Variants in ADAM28 observed in about 807,000 individuals in gnomAD.
ADAM28 encodes disintegrin and metalloproteinase domain-containing protein 28.
ADAM28 carries 105 observed loss-of-function variants against 101.2 expected under a neutral mutation model. The observed-to-expected ratio is 1.04, with a 90% confidence interval of 0.89 to 1.22. ADAM28 has a LOEUF of 1.22. Ranked by LOEUF, ADAM28 falls within the 50% of genes most tolerant of loss-of-function variation. The pLI, the probability that ADAM28 is intolerant of heterozygous loss-of-function variation, is 0.00. For missense variants in ADAM28, 1,028 were observed against 945.4 expected (o/e 1.09, Z -1.15); for synonymous variants, 322 against 310.6 (o/e 1.04, Z -0.39).
chr8:24,309,845 C>T (rs745940739), intron 2 of ADAM28, 49 bp from the exon 3 acceptor site: 3 of 1,332,250 alleles, frequency 2.3e-6, no homozygotes, highest in Non-Finnish European at 2.1e-6. Context: ...ATATAATAGT[C>T]AAATGAATAT....
At chr8:24,326,659 G>A in intron 10 of ADAM28, 24 bp downstream of exon 10, 1 of 1,589,848 alleles carries the variant, frequency 6.3e-7, no homozygotes, top group Non-Finnish European at 8.6e-7. Flanking sequence ...TAAACTGTTG[G>A]TTCTATGATT....
Position 24,294,146 on chromosome 8 carries a change from C to A in ADAM28, c.-4C>A. ...CAGACACCGTGCTCCTGGAATCACCCAGCATGTTGCAAGGTCTCCTGCCAG... is the reference window on the plus strand; with the variant it reads ...CAGACACCGTGCTCCTGGAATCACCAAGCATGTTGCAAGGTCTCCTGCCAG... On this transcript the variant is annotated 5_prime_UTR_variant, in exon 1 of 23. Transcript: ENST00000265769. 1 of 1,614,126 alleles carries A rather than the reference C, an allele frequency of 6.2e-7. No homozygotes were observed. The highest frequency in any genetic ancestry group is 8.5e-7 in the Non-Finnish European group (1 of 1,179,986).
At chr8:24,297,780 T>A (rs1320114173) in intron 1 of ADAM28, among the ~76,000 whole-genome samples, 1 of 152,226 alleles carries the variant, frequency 6.6e-6, no homozygotes, top group Admixed American at 6.5e-5. Flanking sequence ...GGCATCTTAG[T>A]GTTTCAAAAT....
chr8:24,346,147 G>GA (rs1157543329), intron 18 of ADAM28, among the ~76,000 whole-genome samples: 2 of 151,858 alleles, frequency 1.3e-5, no homozygotes, highest in African/African-American at 4.8e-5. Flanking sequence ...ACTTGAATGG[G>GA]AAAAAATTAC....
At position 24,323,978 on chromosome 8, in the gene ADAM28, C is replaced by T. The variant is rs150820766; in HGVS notation, c.865C>T (p.Arg289Cys). ...WRGSVLSRRKRHDIAQLITAT... is the reference protein window; with the variant it reads ...WRGSVLSRRKCHDIAQLITAT... ...GGGGAGTGTTCTCTCAAGAAGAAAGCGTCATGATATTGCTCAGTTAATCAC... is the reference window on the plus strand; with the variant it reads ...GGGGAGTGTTCTCTCAAGAAGAAAGTGTCATGATATTGCTCAGTTAATCAC... The change falls in exon 9 of 23, where the codon CGT becomes TGT. Residue 289 changes from arginine (R) to cysteine (C), a missense_variant. By Grantham distance (180) the Arg-to-Cys change is radical (BLOSUM62 -3). Transcript: ENST00000265769. 46 of 1,611,844 alleles carry T rather than the reference C, an allele frequency of 2.9e-5. No individual in the cohort carries two copies. Among genetic ancestry groups the T allele is most frequent in the African/African-American group, 8.0e-5 (6 of 74,858 alleles).
chr8:24,326,294 A>G (rs999486777), intron 9 of ADAM28, among the ~76,000 whole-genome samples: 17 of 152,044 alleles, frequency 1.1e-4, no homozygotes, highest in African/African-American at 4.1e-4. Flanking sequence ...CACAAGGGAT[A>G]CATCTCACAA....
At chr8:24,336,155 G>A (rs1814020219) in intron 14 of ADAM28, 2 of 985,338 alleles carry the variant, frequency 2.0e-6, no homozygotes, top group Non-Finnish European at 2.4e-6. Flanking sequence ...ATAAAGAAAA[G>A]TGAAAGTTCT....
intron 18 of ADAM28, among the ~76,000 whole-genome samples, chr8:24,347,336 T>C (rs2129335454): frequency 6.6e-6 from 1 of 152,222 alleles, no homozygotes; most frequent in East Asian, 1.9e-4. Flanking sequence ...TGGGTGATAT[T>C]GGACTGTGAT....
rs887013036 is a variant in ADAM28, at chr8:24,310,440, C to T, written c.306+199C>T. 25 of 485,242 alleles carry T rather than the reference C, an allele frequency of 5.2e-5. No individual in the cohort carries two copies. In the South Asian group the frequency reaches 6.0e-4, roughly 12 times the overall value. The allele number at this position is 485,242 out of a possible 1,614,324, so 30.1% of individuals were successfully genotyped here. ...GAACAAAACAATTTCTTGGCAACTC[C>T]GGTAAGTTTTTCCAGCCTTTAAGGA... On this transcript the variant is annotated intron_variant, in intron 4 of 22. Transcript: ENST00000265769.
At chr8:24,320,931 G>A (rs185165262) in intron 7 of ADAM28, among the ~76,000 whole-genome samples, 1 of 151,818 alleles carries the variant, frequency 6.6e-6, no homozygotes, top group Non-Finnish European at 1.5e-5. Context: ...TGTTAATTCT[G>A]CACACCTTAG....
At position 24,339,490 on chromosome 8, in the gene ADAM28, G is replaced by A; in HGVS notation, c.1592G>A (p.Cys531Tyr). The part of the protein sequence containing the change: ...GPGTEVADKS[C>Y]YNRNEGGSKY... ...GGAACTGAGGTTGCAGATAAGTCAT[G>A]TTACAACAGGAATGAAGGTGGGTCA... Residue 531 changes from cysteine (C) to tyrosine (Y), a missense_variant, in exon 15 of 23, where the codon TGT becomes TAT. Coordinates refer to ENST00000265769, the MANE Select transcript of ADAM28 (RefSeq NM_014265.6). The A allele has an allele frequency of 6.2e-7, 1 of 1,613,366 alleles. No individual in the cohort carries two copies. The highest frequency in any genetic ancestry group is 8.5e-7 in the Non-Finnish European group (1 of 1,179,608).
At chr8:24,351,458 C>G (rs1816128023) in intron 20 of ADAM28, 148 bp downstream of exon 20, 1 of 826,460 alleles carries the variant, frequency 1.2e-6, no homozygotes, top group African/African-American at 1.7e-5. Flanking sequence ...TTGTTAAAGG[C>G]AAAAGAGTCC....
intron 13 of ADAM28, among the ~76,000 whole-genome samples, chr8:24,333,021 C>G (rs919476005): frequency 3.3e-5 from 5 of 152,078 alleles, no homozygotes; most frequent in African/African-American, 1.2e-4. Context: ...TTTGCTACAG[C>G]CTGGATACAC....
At chr8:24,319,327 T>C (rs1811567621) in intron 6 of ADAM28, among the ~76,000 whole-genome samples, 2 of 152,074 alleles carry the variant, frequency 1.3e-5, no homozygotes, top group Non-Finnish European at 2.9e-5. Context: ...CTTTAATCCT[T>C]CACATAGTAC....
intron 10 of ADAM28, among the ~76,000 whole-genome samples, chr8:24,328,795 T>G (rs1270555817): frequency 6.6e-6 from 1 of 151,930 alleles, no homozygotes; most frequent in Non-Finnish European, 1.5e-5. Context: ...TTGGACGTAG[T>G]GGCTGGTGCC....
chr8:24,353,648 G>A (rs1816430376), intron 21 of ADAM28, 122 bp from the exon 22 acceptor site: 1 of 725,494 alleles, frequency 1.4e-6, no homozygotes, highest in Admixed American at 2.4e-5. Context: ...CTTGAAAGTT[G>A]GGTAGAATTT....
intron 15 of ADAM28, chr8:24,341,364 A>C: frequency 2.6e-6 from 1 of 392,146 alleles, no homozygotes; most frequent in Admixed American, 4.6e-5. Context: ...GCACTTCGGC[A>C]ACTGGCAAAA....
intron 1 of ADAM28, among the ~76,000 whole-genome samples, 162 bp downstream of exon 1, chr8:24,294,357 G>T (rs570160246): frequency 2.0e-4 from 30 of 152,200 alleles, no homozygotes; most frequent in Admixed American, 1.5e-3. Flanking sequence ...TTGTTTGGGG[G>T]CTGCGAGTGA....
intron 6 of ADAM28, among the ~76,000 whole-genome samples, chr8:24,319,093 T>C (rs1811538820): frequency 6.6e-6 from 1 of 152,032 alleles, no homozygotes. Flanking sequence ...TCCCCCATTA[T>C]GTTATAAAAA....
Sources: gnomAD v4.1 joint callset for allele counts (sites outside exome capture counted in the v4.1 genomes callset) on GRCh38, gnomAD v4.1.1 for gene constraint, MANE v1.5 for transcripts, NCBI Gene and HGNC (gene_info 2026-07-23, HGNC 2026-07-21) for gene names.